FOCAD: variants seen among roughly 807,000 people sequenced by gnomAD.
The protein encoded by FOCAD is focadhesin, also known as KIAA1797.
Under a neutral mutation model 225.6 loss-of-function variants are expected in FOCAD, and 198 were observed. The ratio of observed to expected loss-of-function variants is 0.88; its 90% CI spans 0.78 to 0.99. The LOEUF is 0.99. Among genes scored for constraint, FOCAD ranks in the 50% least tolerant of loss-of-function variants. The probability of loss-of-function intolerance (pLI) is 0.00; values close to 1 mark genes in which losing one functional copy is unlikely to be tolerated. For missense variants in FOCAD, 2,713 were observed against 2,123.6 expected (o/e 1.28, Z -5.46); for synonymous variants, 897 against 755.0 (o/e 1.19, Z -3.08).
At chr9:20,969,741 A>G (rs965556476) in intron 35 of FOCAD, among the ~76,000 whole-genome samples, 3 of 131,186 alleles carry the variant, frequency 2.3e-5, no homozygotes, top group Admixed American at 8.2e-5. Context: ...TAACAAAAAT[A>G]TAATGGCTTT....
At chr9:20,839,761 G>A (rs997409483) in intron 15 of FOCAD, among the ~76,000 whole-genome samples, 4 of 151,904 alleles carry the variant, frequency 2.6e-5, no homozygotes, top group East Asian at 1.9e-4. Flanking sequence ...GTTAATGGAG[G>A]TATCCATCAC....
Position 20,711,414 on chromosome 9 carries a change from C to A in FOCAD, c.-32-3908C>A, listed in dbSNP as rs144701590. On this transcript the variant is annotated intron_variant, in intron 1 of 43. Coordinates refer to ENST00000338382, the MANE Select transcript of FOCAD (RefSeq NM_001375567.1). ...TTTAATCCAACAAACAATTGAAAACCCGCTATGAAAATTTCACAGGGAAAT... is the reference window on the plus strand; with the variant it reads ...TTTAATCCAACAAACAATTGAAAACACGCTATGAAAATTTCACAGGGAAAT... Among the ~76,000 whole-genome samples, 1,017 of 152,210 alleles carry A rather than the reference C, an allele frequency of 6.7e-3. 12 individuals are homozygous for A. Among genetic ancestry groups the A allele is most frequent in the African/African-American group, 0.021 (876 of 41,514 alleles).
chr9:20,683,064 C>T (rs926268340), upstream of FOCAD, among the ~76,000 whole-genome samples: 2 of 152,070 alleles, frequency 1.3e-5, no homozygotes, highest in African/African-American at 4.8e-5. Flanking sequence ...CCCACCTGGC[C>T]CCAAGATTAA....
Position 20,789,543 on chromosome 9 carries a change from A to C in FOCAD, c.1390A>C (p.Lys464Gln). Residue 464 changes from lysine to glutamine, a missense_variant, in exon 11 of 44, where the codon AAA becomes CAA. Lys to Gln is a moderately conservative substitution (Grantham distance 53, BLOSUM62 1). Coordinates refer to ENST00000338382, the MANE Select transcript of FOCAD (RefSeq NM_001375567.1). ...LLLAHLLVED[K>Q]GQNLHQILKV... ...GCTGGCTCACCTCCTTGTTGAAGAC[A>C]AAGGACAAAATCTTCACCAAATACT... is the stretch of plus-strand genomic sequence containing the variant. 6.2e-7 allele frequency: 1 copy of C among 1,614,010 alleles called. No individual in the cohort carries two copies. The highest frequency in any genetic ancestry group is 1.3e-5 in the African/African-American group (1 of 75,028).
chr9:20,980,134 T>C (rs1329116670), intron 37 of FOCAD, among the ~76,000 whole-genome samples: 1 of 151,260 alleles, frequency 6.6e-6, no homozygotes, highest in Non-Finnish European at 1.5e-5. Context: ...ATATAAATTA[T>C]ATATAAATTT....
chr9:20,756,632 T>C (rs1463451862), intron 5 of FOCAD, among the ~76,000 whole-genome samples: 1 of 152,204 alleles, frequency 6.6e-6, no homozygotes, highest in African/African-American at 2.4e-5. Context: ...CACTGCTTTA[T>C]AGCAGTGCAT....
intron 9 of FOCAD, among the ~76,000 whole-genome samples, chr9:20,779,914 A>G (rs557972806): frequency 6.6e-6 from 1 of 152,066 alleles, no homozygotes; most frequent in African/African-American, 2.4e-5. Flanking sequence ...TTTGATTCCT[A>G]CCCTGCATTT....
chr9:20,710,358 G>A (rs1824738399), intron 1 of FOCAD, among the ~76,000 whole-genome samples: 1 of 151,458 alleles, frequency 6.6e-6, no homozygotes, highest in South Asian at 2.1e-4. Context: ...CACTTTGGGA[G>A]GCCGAGATGG....
intron 21 of FOCAD, among the ~76,000 whole-genome samples, chr9:20,904,610 T>C (rs1444853424): frequency 6.6e-6 from 1 of 152,034 alleles, no homozygotes; most frequent in Non-Finnish European, 1.5e-5. Flanking sequence ...GAAACTTGAC[T>C]GTTAGTCTTC....
At chr9:20,897,727 C>T (rs1247767618) in intron 21 of FOCAD, among the ~76,000 whole-genome samples, 2 of 151,682 alleles carry the variant, frequency 1.3e-5, no homozygotes, top group Non-Finnish European at 3.0e-5. Flanking sequence ...CATATATAAT[C>T]AAATACATGA....
At chr9:20,671,656 A>G (rs766063230) in intron 2 of FOCAD, among the ~76,000 whole-genome samples, 4 of 152,208 alleles carry the variant, frequency 2.6e-5, no homozygotes, top group Admixed American at 6.5e-5. Context: ...CAGAGAGAAA[A>G]GAGAAAATGA....
At chr9:20,712,826 G>A (rs1824974342) in intron 1 of FOCAD, among the ~76,000 whole-genome samples, 1 of 136,534 alleles carries the variant, frequency 7.3e-6, no homozygotes, top group Non-Finnish European at 1.5e-5. Context: ...TCCACCTCCC[G>A]GGTTCAAGTG....
chr9:20,828,011 A>C (rs1421334126), intron 15 of FOCAD, among the ~76,000 whole-genome samples: 1 of 152,022 alleles, frequency 6.6e-6, no homozygotes, highest in Non-Finnish European at 1.5e-5. Context: ...GTCTCTATAA[A>C]AATATGAAAA....
chr9:20,887,600 G>T (rs917190649), intron 21 of FOCAD, among the ~76,000 whole-genome samples: 1 of 152,128 alleles, frequency 6.6e-6, no homozygotes, highest in African/African-American at 2.4e-5. Context: ...GGACCTTCGG[G>T]TTTTTTCTGT....
At chr9:20,905,477 A>T (rs1832878120) in intron 21 of FOCAD, among the ~76,000 whole-genome samples, 1 of 152,048 alleles carries the variant, frequency 6.6e-6, no homozygotes, top group South Asian at 2.1e-4. Flanking sequence ...TCTCAGTAGT[A>T]CAATGATATC....
chr9:20,663,000 A>G lies in FOCAD; in HGVS notation c.-78+4174A>G, dbSNP rs922490443. ...CTTTTAAAGTTACAGTTTTAACAGTAACACTTATAATGTATCTTATTCTCA... is the reference window on the plus strand; with the variant it reads ...CTTTTAAAGTTACAGTTTTAACAGTGACACTTATAATGTATCTTATTCTCA... On this transcript the variant is annotated intron_variant, in intron 2 of 45. Coordinates refer to the FOCAD transcript ENST00000380249. Among the ~76,000 whole-genome samples the G allele has an allele frequency of 1.4e-4, 22 of 152,338 alleles. 1 individual carries two copies. Among genetic ancestry groups the G allele is most frequent in the Middle Eastern group, 3.4e-3 (1 of 294 alleles).
At chr9:20,720,169 T>C (rs2131542004) in intron 3 of FOCAD, among the ~76,000 whole-genome samples, 1 of 152,276 alleles carries the variant, frequency 6.6e-6, no homozygotes, top group African/African-American at 2.4e-5. Context: ...TGATACCAGG[T>C]GAGAGAGAGT....
chr9:20,738,437 C>G (rs997778190), intron 4 of FOCAD, among the ~76,000 whole-genome samples: 1 of 152,190 alleles, frequency 6.6e-6, no homozygotes, highest in Admixed American at 6.5e-5. Context: ...CAAGCCAAAT[C>G]TTGATTTGAC....
intron 21 of FOCAD, among the ~76,000 whole-genome samples, chr9:20,891,318 A>G (rs1831593528): frequency 6.6e-6 from 1 of 152,216 alleles, no homozygotes; most frequent in East Asian, 1.9e-4. Flanking sequence ...GAAGAGTTAC[A>G]TATCTACCAC....
Sources: gnomAD v4.1 joint callset for allele counts (sites outside exome capture counted in the v4.1 genomes callset) on GRCh38, gnomAD v4.1.1 for gene constraint, MANE v1.5 for transcripts, NCBI Gene and HGNC (gene_info 2026-07-23, HGNC 2026-07-21) for gene names.